Variants in RNASE2 observed in about 807,000 individuals in gnomAD.
RNASE2 encodes the protein non-secretory ribonuclease.
For missense variants in RNASE2, 170 were observed against 197.9 expected (o/e 0.86, Z 0.85); for synonymous variants, 67 against 68.9 (o/e 0.97, Z 0.13).
At position 20,955,968 on chromosome 14, in the gene RNASE2, A is replaced by G. The variant is rs1298273310; in HGVS notation, c.197A>G (p.Asn66Ser). 6.2e-7 allele frequency: 1 copy of G among 1,614,144 alleles called. No individual in the cohort carries two copies. The highest frequency in any genetic ancestry group is 8.5e-7 in the Non-Finnish European group (1 of 1,180,028). The change falls in exon 2 of 2, where the codon AAC (asparagine) becomes AGC (serine). Residue 66 changes from asparagine to serine, a missense_variant. By Grantham distance (46) the Asn-to-Ser change is conservative. Coordinates refer to ENST00000304625, the MANE Select transcript of RNASE2 (RefSeq NM_002934.3). ...AACAATTATCAACGGCGATGCAAAA[A>G]CCAAAATACTTTCCTTCTTACAACT... ...VINNYQRRCK[N>S]QNTFLLTTFA... is the part of the protein sequence containing the mutation.
chr14:20,955,809 T>C lies in RNASE2; in HGVS notation c.38T>C (p.Leu13Pro), dbSNP rs1455056791. The C allele has an allele frequency of 1.9e-6, 3 of 1,612,522 alleles. No homozygotes were observed. In the African/African-American group the frequency reaches 4.0e-5, roughly 22 times the overall value. ...CTGTTCACTTCCCAAATTTGTCTGC[T>C]TCTTCTGTTGGGGCTTCTGGCTGTG... Reference protein sequence around the residue: ...PKLFTSQICLLLLLGLLAVEG... With the variant: ...PKLFTSQICLPLLLGLLAVEG... Residue 13 changes from leucine (L) to proline (P), a missense_variant, in exon 2 of 2, where the codon CTT (leucine) becomes CCT (proline). Physicochemically the swap from Leu to Pro is moderately conservative, Grantham distance 98 (BLOSUM62 -3). Transcript: ENST00000304625.
chr14:20,955,924 C>T lies in RNASE2; in HGVS notation c.153C>T (p.Thr51=). The stretch of plus-strand genomic sequence containing the variant: ...TCAATATGACCTCCCAGCAATGCAC[C>T]AATGCAATGCAGGTCATTAACAATT... The part of the protein sequence containing the change: ...QHINMTSQQC[T]NAMQVINNYQ... The change falls in exon 2 of 2, where the codon ACC becomes ACT. Residue 51 remains threonine, a synonymous_variant. Transcript: ENST00000304625. 1 of 1,614,000 alleles carries T rather than the reference C, an allele frequency of 6.2e-7. No individual in the cohort carries two copies. Among genetic ancestry groups the T allele is most frequent in the South Asian group, 1.1e-5 (1 of 91,076 alleles).
rs1172118321 is a variant in RNASE2 at position 20,956,286 on chromosome 14, C to G, written c.*29C>G. ...CCTGTATCAGCACTCCTCATCATCA[C>G]TCATCTGCCAAGCTCCTCAATCATA... On this transcript the variant is annotated 3_prime_UTR_variant, in exon 2 of 2. Transcript: ENST00000304625. The G allele has an allele frequency of 6.2e-7, 1 of 1,608,232 alleles. No individual in the cohort carries two copies. The highest frequency in any genetic ancestry group is 1.1e-5 in the South Asian group (1 of 90,378).
In RNASE2 at chr14:20,956,261, C is replaced by T. The variant is rs1405276166; in HGVS notation, c.*4C>T. On this transcript the variant is annotated 3_prime_UTR_variant, in exon 2 of 2. Coordinates refer to ENST00000304625, the MANE Select transcript of RNASE2 (RefSeq NM_002934.3). ...TCACCTGGATAGAATCATCTAAGCT[C>T]CTGTATCAGCACTCCTCATCATCAC... 1.1e-5 allele frequency: 17 copies of T among 1,613,212 alleles called. No homozygotes were observed. Among genetic ancestry groups the T allele is most frequent in the African/African-American group, 1.3e-5 (1 of 74,898 alleles).
Position 20,956,221 on chromosome 14 carries a change from T to C in RNASE2, c.450T>C (p.Tyr150=), listed in dbSNP as rs1411801691. The C allele has an allele frequency of 6.2e-7, 1 of 1,614,072 alleles. No individual in the cohort carries two copies. The highest frequency in any genetic ancestry group is 1.3e-5 in the African/African-American group (1 of 74,918). Residue 150 remains tyrosine (Y), a synonymous_variant, in exon 2 of 2, where the codon TAT becomes TAC. Coordinates refer to ENST00000304625, the MANE Select transcript of RNASE2 (RefSeq NM_002934.3). ...NRDQRRDPPQ[Y]PVVPVHLDRI... Reference sequence around the variant, plus strand: ...ATCAACGACGAGACCCTCCACAGTATCCGGTGGTTCCAGTTCACCTGGATA... The same window carrying C: ...ATCAACGACGAGACCCTCCACAGTACCCGGTGGTTCCAGTTCACCTGGATA...
At position 20,956,370 on chromosome 14, in the gene RNASE2, A is replaced by G; in HGVS notation, c.*113A>G. On this transcript the variant is annotated 3_prime_UTR_variant, in exon 2 of 2. Transcript: ENST00000304625. The stretch of plus-strand genomic sequence containing the variant: ...TCAGCATCTGTCCTCATCAGTCTCC[A>G]TACCCCTTCAGCTTTCCTGAGCTGA... 1 of 1,457,746 alleles carries G rather than the reference A, an allele frequency of 6.9e-7. No homozygotes were observed. 90.3% of individuals were successfully genotyped at this position (1,457,746 alleles called of 1,614,324 possible). A position where few individuals can be genotyped will look rare whatever the true frequency, so the allele number is the denominator to read the frequency against.
rs563003029 is a variant in RNASE2, at chr14:20,955,497, G to A, written c.-45G>A. The A allele has an allele frequency of 8.2e-6, 4 of 485,296 alleles. No homozygotes were observed. The South Asian group carries it at 1.4e-4, about 17-fold the overall frequency. The allele number at this position is 485,296 out of a possible 1,614,324, so 30.1% of individuals were successfully genotyped here. A position where few individuals can be genotyped will look rare whatever the true frequency, so the allele number is the denominator to read the frequency against. Reference sequence around the variant, plus strand: ...CTGCCCCTGAACCCCAGAACAACCAGCTGGATCAGTTCTCACAGGAGCTAC... The same window carrying A: ...CTGCCCCTGAACCCCAGAACAACCAACTGGATCAGTTCTCACAGGAGCTAC... On this transcript the variant is annotated 5_prime_UTR_variant, in exon 1 of 2. Coordinates refer to ENST00000304625, the MANE Select transcript of RNASE2 (RefSeq NM_002934.3).
In RNASE2 at chr14:20,955,852, C is replaced by T. The variant is rs779837858; in HGVS notation, c.81C>T (p.Val27=). The T allele has an allele frequency of 1.2e-5, 19 of 1,614,088 alleles. No homozygotes were observed. Among genetic ancestry groups the T allele is most frequent in the Non-Finnish European group, 1.6e-5 (19 of 1,180,050 alleles). Residue 27 remains valine, a synonymous_variant, in exon 2 of 2, where the codon GTC becomes GTT. Transcript: ENST00000304625. Reference sequence around the variant, plus strand: ...TGGCTGTGGAGGGCTCACTCCATGTCAAACCTCCACAGTTTACCTGGGCTC... The same window carrying T: ...TGGCTGTGGAGGGCTCACTCCATGTTAAACCTCCACAGTTTACCTGGGCTC... ...GLLAVEGSLH[V]KPPQFTWAQW... is the part of the protein sequence containing the mutation.
Position 20,955,930 on chromosome 14 carries a change from A to G in RNASE2, c.159A>G (p.Ala53=), listed in dbSNP as rs148048310. ...INMTSQQCTN[A]MQVINNYQRR... ...TGACCTCCCAGCAATGCACCAATGC[A>G]ATGCAGGTCATTAACAATTATCAAC... The change falls in exon 2 of 2, where the codon GCA becomes GCG. Residue 53 remains alanine (A), a synonymous_variant. Coordinates refer to ENST00000304625, the MANE Select transcript of RNASE2 (RefSeq NM_002934.3). 3.7e-5 allele frequency: 60 copies of G among 1,614,228 alleles called. No individual in the cohort carries two copies. In the African/African-American group the frequency reaches 6.0e-4, roughly 16 times the overall value.
intron 1 of RNASE2, 48 bp downstream of exon 1, chr14:20,955,584 C>A: frequency 1.4e-6 from 1 of 732,908 alleles, no homozygotes; most frequent in Non-Finnish European, 2.2e-6. Flanking sequence ...AGCAATGGGG[C>A]AGCAACTGAG....
Position 20,955,804 on chromosome 14 carries a change from T to C in RNASE2, c.33T>C (p.Cys11=), listed in dbSNP as rs1879188222. The C allele has an allele frequency of 6.2e-7, 1 of 1,611,952 alleles. No individual in the cohort carries two copies. Among genetic ancestry groups the C allele is most frequent in the Non-Finnish European group, 8.5e-7 (1 of 1,179,102 alleles). The change falls in exon 2 of 2, where the codon TGT becomes TGC. Residue 11 remains cysteine, a synonymous_variant. Transcript: ENST00000304625. The part of the protein sequence containing the change: MVPKLFTSQI[C]LLLLLGLLAV... ...CAAAACTGTTCACTTCCCAAATTTG[T>C]CTGCTTCTTCTGTTGGGGCTTCTGG...
At position 20,956,056 on chromosome 14, in the gene RNASE2, C is replaced by T; in HGVS notation, c.285C>T (p.Arg95=). ...TGACCTGTCCTAGTAACAAAACTCGCAAAAATTGTCACCACAGTGGAAGCC... is the reference window on the plus strand; with the variant it reads ...TGACCTGTCCTAGTAACAAAACTCGTAAAAATTGTCACCACAGTGGAAGCC... The part of the protein sequence containing the change: ...PNMTCPSNKT[R]KNCHHSGSQV... Residue 95 remains arginine, a synonymous_variant, in exon 2 of 2, where the codon CGC becomes CGT. Coordinates refer to ENST00000304625, the MANE Select transcript of RNASE2 (RefSeq NM_002934.3). 1 of 1,614,222 alleles carries T rather than the reference C, an allele frequency of 6.2e-7. No individual in the cohort carries two copies. Among genetic ancestry groups the T allele is most frequent in the Non-Finnish European group, 8.5e-7 (1 of 1,180,030 alleles).
chr14:20,956,238 A>G lies in RNASE2; in HGVS notation c.467A>G (p.His156Arg). 1 of 1,614,102 alleles carries G rather than the reference A, an allele frequency of 6.2e-7. No homozygotes were observed. Among genetic ancestry groups the G allele is most frequent in the South Asian group, 1.1e-5 (1 of 91,082 alleles). The change falls in exon 2 of 2, where the codon CAC becomes CGC. Residue 156 changes from histidine (H) to arginine (R), a missense_variant. Physicochemically the swap from His to Arg is conservative, Grantham distance 29. Transcript: ENST00000304625. Reference protein sequence around the residue: ...DPPQYPVVPVHLDRII With the variant: ...DPPQYPVVPVRLDRII Reference sequence around the variant, plus strand: ...CCACAGTATCCGGTGGTTCCAGTTCACCTGGATAGAATCATCTAAGCTCCT... The same window carrying G: ...CCACAGTATCCGGTGGTTCCAGTTCGCCTGGATAGAATCATCTAAGCTCCT...
rs1879190220 is a variant in RNASE2 at position 20,955,874 on chromosome 14, G to A, written c.103G>A (p.Ala35Thr). 6.2e-7 allele frequency: 1 copy of A among 1,614,038 alleles called. No individual in the cohort carries two copies. The highest frequency in any genetic ancestry group is 1.1e-5 in the South Asian group (1 of 91,086). Residue 35 changes from alanine (A) to threonine (T), a missense_variant, in exon 2 of 2, where the codon GCT (alanine) becomes ACT (threonine). Physicochemically the swap from Ala to Thr is moderately conservative, Grantham distance 58. Transcript: ENST00000304625. Reference sequence around the variant, plus strand: ...TGTCAAACCTCCACAGTTTACCTGGGCTCAATGGTTTGAAACCCAGCACAT... The same window carrying A: ...TGTCAAACCTCCACAGTTTACCTGGACTCAATGGTTTGAAACCCAGCACAT... ...LHVKPPQFTW[A>T]QWFETQHINM...
rs1280786979 is a variant in RNASE2 at position 20,956,160 on chromosome 14, C to T, written c.389C>T (p.Ala130Val). ...AACTGCAGGTATGCGCAGACACCAG[C>T]AAACATGTTCTATATAGTTGCATGT... ...ISNCRYAQTP[A>V]NMFYIVACDN... The change falls in exon 2 of 2, where the codon GCA (alanine) becomes GTA (valine). Residue 130 changes from alanine (A) to valine (V), a missense_variant. Coordinates refer to ENST00000304625, the MANE Select transcript of RNASE2 (RefSeq NM_002934.3). 26 of 1,614,164 alleles carry T rather than the reference C, an allele frequency of 1.6e-5. No homozygotes were observed. The highest frequency in any genetic ancestry group is 2.2e-5 in the Non-Finnish European group (26 of 1,180,022).
In RNASE2 at chr14:20,956,127, A is replaced by G. The variant is rs1313947014; in HGVS notation, c.356A>G (p.Asn119Ser). The change falls in exon 2 of 2, where the codon AAT becomes AGT. Residue 119 changes from asparagine to serine, a missense_variant. Asn to Ser is a conservative substitution (Grantham distance 46, BLOSUM62 1). Coordinates refer to ENST00000304625, the MANE Select transcript of RNASE2 (RefSeq NM_002934.3). ...HCNLTTPSPQ[N>S]ISNCRYAQTP... Reference sequence around the variant, plus strand: ...AACCTCACAACTCCAAGTCCACAGAATATTTCAAACTGCAGGTATGCGCAG... The same window carrying G: ...AACCTCACAACTCCAAGTCCACAGAGTATTTCAAACTGCAGGTATGCGCAG... 5 of 1,614,220 alleles carry G rather than the reference A, an allele frequency of 3.1e-6. No homozygotes were observed. The highest frequency in any genetic ancestry group is 1.3e-5 in the African/African-American group (1 of 75,062).
chr14:20,956,223 C>T lies in RNASE2; in HGVS notation c.452C>T (p.Pro151Leu), dbSNP rs1238990646. The T allele has an allele frequency of 2.3e-5, 37 of 1,614,164 alleles. No individual in the cohort carries two copies. Among genetic ancestry groups the T allele is most frequent in the Middle Eastern group, 1.6e-4 (1 of 6,062 alleles). The stretch of plus-strand genomic sequence containing the variant: ...CAACGACGAGACCCTCCACAGTATC[C>T]GGTGGTTCCAGTTCACCTGGATAGA... Reference protein sequence around the residue: ...RDQRRDPPQYPVVPVHLDRII With the variant: ...RDQRRDPPQYLVVPVHLDRII The change falls in exon 2 of 2, where the codon CCG becomes CTG. Residue 151 changes from proline (P) to leucine (L), a missense_variant. By Grantham distance (98) the Pro-to-Leu change is moderately conservative (BLOSUM62 -3). Coordinates refer to ENST00000304625, the MANE Select transcript of RNASE2 (RefSeq NM_002934.3).
rs749426376 is a variant in RNASE2 at position 20,956,084 on chromosome 14, G to T, written c.313G>T (p.Val105Leu). 5 of 1,614,192 alleles carry T rather than the reference G, an allele frequency of 3.1e-6. No homozygotes were observed. The highest frequency in any genetic ancestry group is 4.2e-6 in the Non-Finnish European group (5 of 1,180,036). The change falls in exon 2 of 2, where the codon GTG (valine) becomes TTG (leucine). Residue 105 changes from valine (V) to leucine (L), a missense_variant. Coordinates refer to ENST00000304625, the MANE Select transcript of RNASE2 (RefSeq NM_002934.3). Reference sequence around the variant, plus strand: ...AAATTGTCACCACAGTGGAAGCCAGGTGCCTTTAATCCACTGTAACCTCAC... The same window carrying T: ...AAATTGTCACCACAGTGGAAGCCAGTTGCCTTTAATCCACTGTAACCTCAC... ...RKNCHHSGSQ[V>L]PLIHCNLTTP...
At position 20,956,181 on chromosome 14, in the gene RNASE2, C is replaced by T; in HGVS notation, c.410C>T (p.Ala137Val). 6.2e-7 allele frequency: 1 copy of T among 1,614,144 alleles called. No homozygotes were observed. Among genetic ancestry groups the T allele is most frequent in the Non-Finnish European group, 8.5e-7 (1 of 1,179,990 alleles). ...CCAGCAAACATGTTCTATATAGTTGCATGTGACAACAGAGATCAACGACGA... is the reference window on the plus strand; with the variant it reads ...CCAGCAAACATGTTCTATATAGTTGTATGTGACAACAGAGATCAACGACGA... ...QTPANMFYIV[A>V]CDNRDQRRDP... Residue 137 changes from alanine to valine, a missense_variant, in exon 2 of 2, where the codon GCA becomes GTA. Physicochemically the swap from Ala to Val is moderately conservative, Grantham distance 64. Coordinates refer to ENST00000304625, the MANE Select transcript of RNASE2 (RefSeq NM_002934.3).
Sources: allele counts gnomAD v4.1 joint callset, GRCh38; gene constraint gnomAD v4.1.1; transcripts MANE v1.5; gene names NCBI Gene and HGNC (gene_info 2026-07-23, HGNC 2026-07-21).